Variants in HPF1 observed in about 807,000 individuals in gnomAD.
The protein encoded by HPF1 is histone PARylation factor 1.
Under a neutral mutation model 38.8 loss-of-function variants are expected in HPF1, and 35 were observed. The ratio of observed to expected loss-of-function variants is 0.90; its 90% CI spans 0.69 to 1.19. The LOEUF (loss-of-function observed/expected upper bound fraction) is 1.19, where lower values mean the gene tolerates loss of function less well. Among genes scored for constraint, HPF1 ranks in the 50% most tolerant of loss-of-function variants. The pLI is 0.00. For missense variants in HPF1, 367 were observed against 405.8 expected (o/e 0.90, Z 0.82); for synonymous variants, 115 against 139.2 (o/e 0.83, Z 1.22).
intron 1 of HPF1, among the ~76,000 whole-genome samples, chr4:169,757,559 C>A (rs1365846931): frequency 6.6e-6 from 1 of 151,942 alleles, no homozygotes; most frequent in Non-Finnish European, 1.5e-5. Context: ...ATCAATCTGG[C>A]TGGGCGAATG....
At chr4:169,752,168 C>CT (rs35247508) in intron 2 of HPF1, among the ~76,000 whole-genome samples, 73,308 of 106,834 alleles carry the variant, frequency 0.69, 29,094 homozygotes, top group East Asian at 0.91. Flanking sequence ...ACAGGCATGA[C>CT]TTTTTTTTTT....
chr4:169,755,284 C>T (rs576613946), intron 1 of HPF1, among the ~76,000 whole-genome samples: 1 of 152,074 alleles, frequency 6.6e-6, no homozygotes, highest in Admixed American at 6.6e-5. Flanking sequence ...TACAGTTGAC[C>T]CTTGAGCAAC....
chr4:169,749,246 TG>T (rs1734086954), intron 3 of HPF1, among the ~76,000 whole-genome samples: 1 of 152,228 alleles, frequency 6.6e-6, no homozygotes, highest in Non-Finnish European at 1.5e-5. Context: ...AAATTTATAC[TG>T]TTGCTGGTGT....
intron 2 of HPF1, among the ~76,000 whole-genome samples, chr4:169,752,652 G>T (rs1734134732): frequency 6.6e-6 from 1 of 152,114 alleles, no homozygotes; most frequent in South Asian, 2.1e-4. Flanking sequence ...TTTCAGGCAT[G>T]ATAGTTTATT....
chr4:169,748,673 C>G (rs35744315), intron 4 of HPF1, 71 bp downstream of exon 4: 15 of 748,414 alleles, frequency 2.0e-5, no homozygotes, highest in Non-Finnish European at 2.3e-5. Flanking sequence ...TGCCCAGCCC[C>G]TCAAACCCCC....
At chr4:169,746,404 C>T (rs1734047670) in intron 4 of HPF1, among the ~76,000 whole-genome samples, 1 of 152,084 alleles carries the variant, frequency 6.6e-6, no homozygotes, top group Non-Finnish European at 1.5e-5. Flanking sequence ...TCTAAGTTAA[C>T]ATTTTTCAAA....
intron 1 of HPF1, among the ~76,000 whole-genome samples, chr4:169,755,862 T>C (rs1734182317): frequency 6.6e-6 from 1 of 152,206 alleles, no homozygotes; most frequent in Non-Finnish European, 1.5e-5. Flanking sequence ...CGTGTAGATG[T>C]AGAGCTATTG....
At position 169,742,098 on chromosome 4, in the gene HPF1, CA is replaced by C; in HGVS notation, c.506del (p.Leu169Ter). On this transcript the variant is annotated frameshift_variant, in exon 5 of 8. Transcript: ENST00000393381. LOFTEE classifies it high-confidence loss of function. Reference sequence around the variant, plus strand: ...CCGTTATTTCTCTAAGTTTTTTCGTCAAAAATAATCTGAAAAAGAAGTAAAA... The same window carrying C: ...CCGTTATTTCTCTAAGTTTTTTCGTCAAAATAATCTGAAAAAGAAGTAAAA... ...DNVFAAVKLFLTKKLREITDK... is the reference protein window; with the variant it reads ...DNVFAAVKLFXTKKLREITDK... The C allele has an allele frequency of 6.2e-7, 1 of 1,609,908 alleles. No homozygotes were observed.
intron 6 of HPF1, among the ~76,000 whole-genome samples, chr4:169,737,200 G>T (rs1733907183): frequency 6.9e-6 from 1 of 145,624 alleles, no homozygotes; most frequent in African/African-American, 2.5e-5. Flanking sequence ...TGAGGCAGGA[G>T]AATCGCTTGA....
At chr4:169,737,816 A>C in intron 5 of HPF1, 69 bp from the exon 6 acceptor site, 2 of 945,938 alleles carry the variant, frequency 2.1e-6, no homozygotes, top group Non-Finnish European at 1.7e-6. Flanking sequence ...CCCCAAATAC[A>C]TAAACCCTCA....
chr4:169,740,732 A>T (rs933216882), intron 5 of HPF1, among the ~76,000 whole-genome samples: 1 of 152,196 alleles, frequency 6.6e-6, no homozygotes, highest in African/African-American at 2.4e-5. Flanking sequence ...ATGAAACTTC[A>T]TAGGGGAGGG....
intron 2 of HPF1, among the ~76,000 whole-genome samples, chr4:169,752,794 G>C (rs1390331806): frequency 6.6e-6 from 1 of 152,024 alleles, no homozygotes; most frequent in Non-Finnish European, 1.5e-5. Flanking sequence ...CTTAGTTTAT[G>C]TAATCCATAA....
rs531915484 is a variant in HPF1, at chr4:169,736,330, G to A, written c.736+1330C>T. Among the ~76,000 whole-genome samples the A allele has an allele frequency of 1.8e-4, 25 of 140,524 alleles. 1 individual carries two copies. In the South Asian group the frequency reaches 3.8e-3, roughly 21 times the overall value. The allele number at this position is 140,524 out of a possible 152,430, so 92.2% of individuals were successfully genotyped here. On this transcript the variant is annotated intron_variant, in intron 6 of 7. Coordinates refer to ENST00000393381, the MANE Select transcript of HPF1 (RefSeq NM_017867.3). ...CAGGTTAATTGCACCACTGCGCTCCGTCCTGGGTGACAGAGTGAGACCCTG... is the reference window on the plus strand; with the variant it reads ...CAGGTTAATTGCACCACTGCGCTCCATCCTGGGTGACAGAGTGAGACCCTG...
At chr4:169,742,683 T>A (rs1733990348) in intron 4 of HPF1, among the ~76,000 whole-genome samples, 1 of 152,050 alleles carries the variant, frequency 6.6e-6, no homozygotes, top group Admixed American at 6.6e-5. Flanking sequence ...TCCCAGCTAC[T>A]TGGGAGGCTG....
intron 7 of HPF1, 64 bp downstream of exon 7, chr4:169,731,640 G>A (rs1581311183): frequency 4.0e-6 from 5 of 1,249,674 alleles, no homozygotes; most frequent in East Asian, 2.6e-5. Flanking sequence ...ATGTGTGGAT[G>A]TATGTCGCGG....
chr4:169,735,146 G>A (rs1733876812), intron 6 of HPF1, among the ~76,000 whole-genome samples: 3 of 149,140 alleles, frequency 2.0e-5, no homozygotes, highest in African/African-American at 2.5e-5. Context: ...AAAAAAAGAA[G>A]AAAGAAAGAA....
At chr4:169,744,427 T>C (rs1734018973) in intron 4 of HPF1, among the ~76,000 whole-genome samples, 1 of 152,230 alleles carries the variant, frequency 6.6e-6, no homozygotes, top group African/African-American at 2.4e-5. Flanking sequence ...TACTGTGTGA[T>C]GCTTAAAGAT....
chr4:169,734,635 CT>C (rs943142021), intron 6 of HPF1, among the ~76,000 whole-genome samples: 1 of 152,198 alleles, frequency 6.6e-6, no homozygotes, highest in African/African-American at 2.4e-5. Flanking sequence ...CTTAAGTTAA[CT>C]ATTCAAAAAT....
At chr4:169,756,202 C>A (rs373257954) in intron 1 of HPF1, among the ~76,000 whole-genome samples, 1 of 152,222 alleles carries the variant, frequency 6.6e-6, no homozygotes, top group Non-Finnish European at 1.5e-5. Context: ...TCAACTGTCT[C>A]ATGCACTAGA....
Sources: gnomAD v4.1 joint callset for allele counts (sites outside exome capture counted in the v4.1 genomes callset) on GRCh38, gnomAD v4.1.1 for gene constraint, MANE v1.5 for transcripts, NCBI Gene and HGNC (gene_info 2026-07-23, HGNC 2026-07-21) for gene names.